LRP1B: variants seen among roughly 807,000 people sequenced by gnomAD.
LRP1B encodes the protein LDL receptor related protein 1B.
A neutral mutation model predicts 556.6 loss-of-function variants in LRP1B; 217 were observed. The ratio of observed to expected loss-of-function variants is 0.39; its 90% CI spans 0.35 to 0.44. LRP1B has a LOEUF of 0.44. LRP1B is among the 20% of genes least tolerant of loss of function. LRP1B has a pLI of 1.00. For synonymous variants in LRP1B, 2,047 were observed against 1,865.8 expected, an observed-to-expected ratio of 1.10 and a Z score of -2.50; for missense variants, 5,053 against 5,620.8, an observed-to-expected ratio of 0.90 and a Z score of 3.23.
intron 3 of LRP1B, among the ~76,000 whole-genome samples, chr2:141,478,360 C>T (rs1012121940): frequency 2.0e-5 from 3 of 152,102 alleles, no homozygotes; most frequent in Admixed American, 6.6e-5. Context: ...CTTAGTCATA[C>T]ATATCTATCT....
rs556451181 is a variant in LRP1B, at chr2:141,615,972, C to T, written c.206-135439G>A. 8.4e-4 allele frequency among the ~76,000 whole-genome samples: 128 copies of T among 152,180 alleles called. 2 individuals carry two copies. Among genetic ancestry groups the T allele is most frequent in the African/African-American group, 2.9e-3 (122 of 41,520 alleles). On this transcript the variant is annotated intron_variant, in intron 2 of 90. Transcript: ENST00000389484. The stretch of plus-strand genomic sequence containing the variant: ...TTTATTCTTAAGTTAATCAAACTGC[C>T]ACCCAAATCCTCGTTGTAAAAAAAA...
chr2:141,630,811 T>A (rs1465437053), intron 2 of LRP1B, among the ~76,000 whole-genome samples: 2 of 152,254 alleles, frequency 1.3e-5, no homozygotes, highest in East Asian at 3.8e-4. Context: ...TTTATCCAAC[T>A]ATCAATTGTG....
chr2:141,216,302 C>A (rs557071582), intron 6 of LRP1B, among the ~76,000 whole-genome samples: 1 of 152,330 alleles, frequency 6.6e-6, no homozygotes, highest in African/African-American at 2.4e-5. Flanking sequence ...TGGTGTTATG[C>A]CCACACTTGC....
intron 1 of LRP1B, among the ~76,000 whole-genome samples, chr2:141,854,343 G>T (rs1697969499): frequency 6.6e-6 from 1 of 151,822 alleles, no homozygotes; most frequent in African/African-American, 2.4e-5. Flanking sequence ...AAAGCAAGGG[G>T]GGAAAAAGCA....
At chr2:140,882,773 G>C (rs116500710) in intron 25 of LRP1B, among the ~76,000 whole-genome samples, 6 of 152,066 alleles carry the variant, frequency 3.9e-5, no homozygotes, top group South Asian at 2.1e-4. Flanking sequence ...CTTAGACATC[G>C]CCTGGCTTTT....
intron 43 of LRP1B, among the ~76,000 whole-genome samples, chr2:140,587,822 G>T (rs1682046754): frequency 7.1e-6 from 1 of 141,804 alleles, no homozygotes; most frequent in South Asian, 2.1e-4. Context: ...CTAGAGACAA[G>T]AAGCAAATCT....
chr2:142,052,343 G>A (rs918193974), intron 1 of LRP1B, among the ~76,000 whole-genome samples: 31 of 152,010 alleles, frequency 2.0e-4, no homozygotes, highest in Non-Finnish European at 3.1e-4. Flanking sequence ...TCTAGGGCAG[G>A]TTGGCTTAGG....
chr2:141,545,941 CA>C (rs1235102182), intron 2 of LRP1B, among the ~76,000 whole-genome samples: 1 of 152,088 alleles, frequency 6.6e-6, no homozygotes, highest in Non-Finnish European at 1.5e-5. Context: ...TCTGACTTAG[CA>C]AAGAGTAAAA....
chr2:141,388,197 A>G (rs1689904850), intron 3 of LRP1B, among the ~76,000 whole-genome samples: 1 of 152,148 alleles, frequency 6.6e-6, no homozygotes, highest in African/African-American at 2.4e-5. Context: ...GCACTTTGGG[A>G]GGCCAAGACA....
At chr2:141,455,585 T>G (rs945558846) in intron 3 of LRP1B, among the ~76,000 whole-genome samples, 1 of 152,108 alleles carries the variant, frequency 6.6e-6, no homozygotes, top group Admixed American at 6.6e-5. Context: ...TAGGAGCAAG[T>G]GTTCTCCCAT....
At chr2:141,474,054 TTCC>T (rs1559091674) in intron 3 of LRP1B, among the ~76,000 whole-genome samples, 1 of 56,364 alleles carries the variant, frequency 1.8e-5, no homozygotes, top group African/African-American at 5.6e-5. Flanking sequence ...CTTTCCTTCC[TTCC>T]TCCCTCCCTC....
At chr2:140,357,897 C>T (rs1682306544) in intron 74 of LRP1B, 82 bp downstream of exon 74, 1 of 1,484,844 alleles carries the variant, frequency 6.7e-7, no homozygotes, top group African/African-American at 1.4e-5. Context: ...AGCAATATTT[C>T]CATCCAGAAC....
At chr2:140,784,272 A>G (rs1478631726) in intron 32 of LRP1B, among the ~76,000 whole-genome samples, 3 of 151,950 alleles carry the variant, frequency 2.0e-5, no homozygotes, top group Non-Finnish European at 2.9e-5. Context: ...GGAGGCTGAC[A>G]TCCAGGTTTC....
At chr2:141,642,686 A>C (rs553315798) in intron 2 of LRP1B, among the ~76,000 whole-genome samples, 1 of 151,984 alleles carries the variant, frequency 6.6e-6, no homozygotes, top group African/African-American at 2.4e-5. Context: ...TTGAAGGAAA[A>C]ATACAGAATG....
At chr2:141,320,416 T>C (rs1302440345) in intron 3 of LRP1B, among the ~76,000 whole-genome samples, 1 of 152,084 alleles carries the variant, frequency 6.6e-6, no homozygotes. Context: ...TATTTTAAAT[T>C]CCTCATTCTC....
At position 140,348,534 on chromosome 2, in the gene LRP1B, C is replaced by A. The variant is rs557129459; in HGVS notation, c.11892+2263G>T. Among the ~76,000 whole-genome samples the A allele has an allele frequency of 2.0e-5, 3 of 151,890 alleles. No individual in the cohort carries two copies. The East Asian group carries it at 5.8e-4, about 30-fold the overall frequency. On this transcript the variant is annotated intron_variant, in intron 77 of 90. Transcript: ENST00000389484. ...TTGTGAGTGCTATTTTTCTTCTTTGCGAATGCTAATAATCATGGGAGATTT... is the reference window on the plus strand; with the variant it reads ...TTGTGAGTGCTATTTTTCTTCTTTGAGAATGCTAATAATCATGGGAGATTT...
chr2:140,712,239 CTG>C (rs1337319853), intron 37 of LRP1B, among the ~76,000 whole-genome samples: 5 of 152,114 alleles, frequency 3.3e-5, no homozygotes, highest in Non-Finnish European at 7.4e-5. Context: ...AGTTCCGTCA[CTG>C]TAAGGTAAAG....
intron 3 of LRP1B, among the ~76,000 whole-genome samples, chr2:141,416,448 T>A (rs1215053233): frequency 1.0e-5 from 1 of 96,382 alleles, no homozygotes; most frequent in East Asian, 5.5e-4. Context: ...TGACAGCCAT[T>A]TTTTTTTTTT....
intron 59 of LRP1B, 124 bp downstream of exon 59, chr2:140,485,219 G>C (rs1031088542): frequency 1.3e-5 from 7 of 559,306 alleles, no homozygotes; most frequent in Non-Finnish European, 2.0e-5. Context: ...CTATTTCTAA[G>C]TGAGAATTTC....
Sources: allele counts gnomAD v4.1 joint callset (sites outside exome capture counted in the v4.1 genomes callset), GRCh38; gene constraint gnomAD v4.1.1; transcripts MANE v1.5; gene names NCBI Gene and HGNC (gene_info 2026-07-23, HGNC 2026-07-21).